The following STAU1 variants were observed in gnomAD, a reference collection of about 807,000 sequenced individuals.
STAU1 encodes staufen double-stranded RNA binding protein 1.
A neutral mutation model predicts 62.9 loss-of-function variants in STAU1; 13 were observed. The ratio of observed to expected loss-of-function variants is 0.21; its 90% CI spans 0.13 to 0.33. The LOEUF (loss-of-function observed/expected upper bound fraction) is 0.33. STAU1 is among the 10% of genes least tolerant of loss of function. The pLI is 1.00. For synonymous variants in STAU1, 269 were observed against 265.1 expected, an observed-to-expected ratio of 1.01 and a Z score of -0.14; for missense variants, 571 against 712.1, an observed-to-expected ratio of 0.80 and a Z score of 2.25.
Position 49,132,772 on chromosome 20 carries a change from AAAC to A in STAU1, c.609+3058_609+3060del, listed in dbSNP as rs578170726. On this transcript the variant is annotated intron_variant, in intron 6 of 13. Coordinates refer to ENST00000371856, the MANE Select transcript of STAU1 (RefSeq NM_017453.4). ...AAAACTCCATCTCCAAAACAAAACAAAACAAAACAAAAGTCAAGCTGTATATAT... is the reference window on the plus strand; with the variant it reads ...AAAACTCCATCTCCAAAACAAAACAAAAAACAAAAGTCAAGCTGTATATAT... Among the ~76,000 whole-genome samples the A allele has an allele frequency of 1.4e-4, 22 of 152,190 alleles. No individual in the cohort carries two copies. The South Asian group carries it at 3.5e-3, about 24-fold the overall frequency.
intron 5 of STAU1, among the ~76,000 whole-genome samples, chr20:49,149,007 T>C (rs1227279463): frequency 6.6e-6 from 1 of 151,940 alleles, no homozygotes; most frequent in Admixed American, 6.6e-5. Context: ...TCCCAGCACT[T>C]TGGAAGGCCA....
At chr20:49,153,710 C>CAAAAAAAAAAAAAAAAA (rs145558067) in intron 4 of STAU1, among the ~76,000 whole-genome samples, 59 of 67,604 alleles carry the variant, frequency 8.7e-4, no homozygotes, top group South Asian at 1.1e-3. Flanking sequence ...GACTCTGTCT[C>CAAAAAAAAAAAAAAAAA]AAAAAAAAAA....
Position 49,154,000 on chromosome 20 carries a change from C to A in STAU1, c.277G>T (p.Val93Phe). 1 of 1,613,006 alleles carries A rather than the reference C, an allele frequency of 6.2e-7. No individual in the cohort carries two copies. Among genetic ancestry groups the A allele is most frequent in the South Asian group, 1.1e-5 (1 of 90,926 alleles). The change falls in exon 4 of 14, where the codon GTT becomes TTT. Residue 93 changes from valine to phenylalanine, a missense_variant. By Grantham distance (50) the Val-to-Phe change is conservative. Coordinates refer to ENST00000371856, the MANE Select transcript of STAU1 (RefSeq NM_017453.4). ...GACTGCATCCGAGAGTAAGGGTCAA[C>A]AGGCTTATACATTGGTTTTTTTCCA... Reference protein sequence around the residue: ...KLGKKPMYKPVDPYSRMQSTY... With the variant: ...KLGKKPMYKPFDPYSRMQSTY...
Position 49,123,083 on chromosome 20 carries a change from C to T in STAU1, c.966+9G>A, listed in dbSNP as rs752504874. 39 of 1,581,938 alleles carry T rather than the reference C, an allele frequency of 2.5e-5. No homozygotes were observed. The highest frequency in any genetic ancestry group is 1.3e-5 in the African/African-American group (1 of 74,100). On this transcript the variant is annotated intron_variant, in intron 8 of 13. Coordinates refer to ENST00000371856, the MANE Select transcript of STAU1 (RefSeq NM_017453.4). Reference sequence around the variant, plus strand: ...GAGGAAGGGGCGCCCATCATCCATGCGGACCCACCTGCATCACAAACTCCC... The same window carrying T: ...GAGGAAGGGGCGCCCATCATCCATGTGGACCCACCTGCATCACAAACTCCC...
intron 3 of STAU1, chr20:49,158,464 T>C: frequency 7.7e-7 from 1 of 1,304,794 alleles, no homozygotes; most frequent in Non-Finnish European, 1.0e-6. Context: ...CTTGTAGGTC[T>C]TACTTTTAGG....
intron 1 of STAU1, among the ~76,000 whole-genome samples, chr20:49,175,703 G>T (rs2093651494): frequency 6.6e-6 from 1 of 151,226 alleles, no homozygotes. Flanking sequence ...TGTCCAGGCT[G>T]GTCTCGAACA....
chr20:49,118,417 A>G lies in STAU1; in HGVS notation c.1114-9T>C. 1 of 1,597,020 alleles carries G rather than the reference A, an allele frequency of 6.3e-7. No individual in the cohort carries two copies. Among genetic ancestry groups the G allele is most frequent in the Non-Finnish European group, 8.5e-7 (1 of 1,171,234 alleles). On this transcript the variant is annotated splice_polypyrimidine_tract_variant and intron_variant, in intron 9 of 13. Coordinates refer to ENST00000371856, the MANE Select transcript of STAU1 (RefSeq NM_017453.4). ...GGTTTCTTTATGGGTGTCTTAAAAA[A>G]GAAGAAGAAAAAAAAAAGGCCATGA...
the STAU1 span, among the ~76,000 whole-genome samples, chr20:49,203,835 C>T: frequency 0.28 from 42,465 of 151,910 alleles, 6,530 homozygotes; most frequent in East Asian, 0.53. Context: ...TACAGGCGTG[C>T]GCCACCACGC....
chr20:49,193,744 G>A, the STAU1 span, among the ~76,000 whole-genome samples: 5 of 151,874 alleles, frequency 3.3e-5, no homozygotes, highest in Admixed American at 1.3e-4. Flanking sequence ...CAAGGCAGGC[G>A]GATCACGAGG....
At chr20:49,208,351 C>T in the STAU1 span, among the ~76,000 whole-genome samples, 1 of 152,052 alleles carries the variant, frequency 6.6e-6, no homozygotes, top group African/African-American at 2.4e-5. Flanking sequence ...AGCCACCGCA[C>T]GTGGCCTATA....
At chr20:49,165,790 C>G (rs549976677) in intron 3 of STAU1, among the ~76,000 whole-genome samples, 1 of 151,560 alleles carries the variant, frequency 6.6e-6, no homozygotes, top group South Asian at 2.1e-4. Context: ...CTCTTTCTCA[C>G]AACCTACAAT....
At chr20:49,180,503 T>C in intron 1 of STAU1, among the ~76,000 whole-genome samples, 1 of 152,126 alleles carries the variant, frequency 6.6e-6, no homozygotes, top group East Asian at 1.9e-4. Flanking sequence ...TTTGTATTTT[T>C]AGTAGAGATG....
intron 1 of STAU1, among the ~76,000 whole-genome samples, chr20:49,177,672 C>T (rs2093676243): frequency 6.6e-6 from 1 of 151,680 alleles, no homozygotes; most frequent in South Asian, 2.1e-4. Context: ...GAGTGAGACT[C>T]CGTCTCAAAA....
intron 2 of STAU1, among the ~76,000 whole-genome samples, chr20:49,171,792 T>C (rs550100407): frequency 3.9e-5 from 6 of 152,136 alleles, no homozygotes; most frequent in African/African-American, 9.6e-5. Context: ...TATCGTCTTA[T>C]AGGATCATTT....
At chr20:49,135,033 C>T (rs1044604491) in intron 6 of STAU1, 28 of 1,558,290 alleles carry the variant, frequency 1.8e-5, no homozygotes, top group African/African-American at 1.6e-4. Context: ...CCCGGGCAGC[C>T]GCCATCTCCA....
At chr20:49,209,903 G>T in the STAU1 span, among the ~76,000 whole-genome samples, 1 of 151,620 alleles carries the variant, frequency 6.6e-6, no homozygotes, top group African/African-American at 2.4e-5. Flanking sequence ...AAAAAAATTA[G>T]CCAGGCATGG....
intron 3 of STAU1, among the ~76,000 whole-genome samples, chr20:49,155,728 T>C (rs2093347320): frequency 6.6e-6 from 1 of 152,216 alleles, no homozygotes; most frequent in South Asian, 2.1e-4. Flanking sequence ...TAGAATTATA[T>C]TTTTTACAAA....
intron 5 of STAU1, among the ~76,000 whole-genome samples, chr20:49,151,003 C>T (rs183404297): frequency 6.6e-6 from 1 of 152,234 alleles, no homozygotes; most frequent in Non-Finnish European, 1.5e-5. Flanking sequence ...CGGCCCCGTG[C>T]AGATCCACTT....
intron 5 of STAU1, among the ~76,000 whole-genome samples, chr20:49,141,478 C>A (rs1210661860): frequency 6.6e-6 from 1 of 152,180 alleles, no homozygotes; most frequent in Non-Finnish European, 1.5e-5. Flanking sequence ...ATAGTCCCAG[C>A]TACTGGGGTG....
Sources: gnomAD v4.1 joint callset for allele counts (sites outside exome capture counted in the v4.1 genomes callset) on GRCh38, gnomAD v4.1.1 for gene constraint, MANE v1.5 for transcripts, NCBI Gene and HGNC (gene_info 2026-07-23, HGNC 2026-07-21) for gene names.